Variants in SLC39A9 observed in about 807,000 individuals in gnomAD.
The protein encoded by SLC39A9 is zinc transporter ZIP9.
Under a neutral mutation model 28.4 loss-of-function variants are expected in SLC39A9, and 14 were observed. That is an observed-to-expected ratio of 0.49 (90% CI 0.33 to 0.77). SLC39A9 has a LOEUF of 0.77. Among genes scored for constraint, SLC39A9 ranks in the 30% least tolerant of loss-of-function variants. The probability of loss-of-function intolerance (pLI) is 0.02; values close to 1 mark genes in which losing one functional copy is unlikely to be tolerated. For missense variants in SLC39A9, 283 were observed against 381.1 expected (o/e 0.74, Z 2.14); for synonymous variants, 119 against 149.6 (o/e 0.80, Z 1.49).
chr14:69,454,718 C>G, intron 4 of SLC39A9, 94 bp from the exon 5 acceptor site: 2 of 959,472 alleles, frequency 2.1e-6, no homozygotes, highest in South Asian at 2.9e-5. Context: ...CTAGATCCAG[C>G]TGGACCTGAC....
At chr14:69,428,717 A>G (rs1457367789) in intron 2 of SLC39A9, 1 of 152,540 alleles carries the variant, frequency 6.6e-6, no homozygotes, top group Non-Finnish European at 1.5e-5. Context: ...GGCAAACCAC[A>G]TTCAAAGCAA....
At chr14:69,448,950 A>C (rs1346093989) in intron 3 of SLC39A9, among the ~76,000 whole-genome samples, 1 of 152,182 alleles carries the variant, frequency 6.6e-6, no homozygotes, top group East Asian at 1.9e-4. Context: ...GCAAAATGTT[A>C]ATCAATATAT....
chr14:69,407,678 G>T (rs1243605881), intron 1 of SLC39A9, among the ~76,000 whole-genome samples: 1 of 145,652 alleles, frequency 6.9e-6, no homozygotes, highest in Non-Finnish European at 1.5e-5. Flanking sequence ...TGCTGTTGTT[G>T]CCCAGGCTGG....
At chr14:69,455,233 T>C (rs1885802213) in intron 5 of SLC39A9, among the ~76,000 whole-genome samples, 1 of 152,214 alleles carries the variant, frequency 6.6e-6, no homozygotes, top group Admixed American at 6.5e-5. Context: ...ATAGGATCTT[T>C]TCTTGGCTTA....
At chr14:69,404,370 T>G (rs1882799850) in intron 1 of SLC39A9, among the ~76,000 whole-genome samples, 1 of 152,228 alleles carries the variant, frequency 6.6e-6, no homozygotes, top group Admixed American at 6.5e-5. Flanking sequence ...ATGTTACTAC[T>G]TGAACAAGCT....
rs181488046 is a variant in SLC39A9, at chr14:69,441,052, A to G, written c.206-1017A>G. Among the ~76,000 whole-genome samples the G allele has an allele frequency of 2.2e-3, 338 of 152,272 alleles. 1 individual carries two copies. The highest frequency in any genetic ancestry group is 3.4e-3 in the Middle Eastern group (1 of 294). ...CACCACTTTGGGAGGTCAAGGTGGG[A>G]GGATCACCTGAGCCCCAGATTTCAA... is the stretch of plus-strand genomic sequence containing the variant. On this transcript the variant is annotated intron_variant, in intron 2 of 6. Coordinates refer to ENST00000336643, the MANE Select transcript of SLC39A9 (RefSeq NM_018375.5).
Position 69,458,522 on chromosome 14 carries a change from C to T in SLC39A9, c.853C>T (p.Arg285Cys), listed in dbSNP as rs17855898. The T allele has an allele frequency of 1.5e-5, 24 of 1,614,112 alleles. No homozygotes were observed. The highest frequency in any genetic ancestry group is 1.6e-4 in the Middle Eastern group (1 of 6,084). The change falls in exon 7 of 7, where the codon CGC (arginine) becomes TGC (cysteine). Residue 285 changes from arginine (R) to cysteine (C), a missense_variant. Coordinates refer to ENST00000336643, the MANE Select transcript of SLC39A9 (RefSeq NM_018375.5). ...PDATGGRGLS[R>C]LEVAALVLGC... Reference sequence around the variant, plus strand: ...TGCCACGGGAGGGAGAGGCCTCAGCCGCCTGGAAGTGGCAGCCCTGGTTCT... The same window carrying T: ...TGCCACGGGAGGGAGAGGCCTCAGCTGCCTGGAAGTGGCAGCCCTGGTTCT...
At chr14:69,422,361 A>G (rs1157231053) in intron 1 of SLC39A9, among the ~76,000 whole-genome samples, 1 of 152,140 alleles carries the variant, frequency 6.6e-6, no homozygotes, top group African/African-American at 2.4e-5. Flanking sequence ...ATCTGGGACA[A>G]CAGGTACGTA....
At chr14:69,453,839 A>G (rs1184567503) in intron 4 of SLC39A9, among the ~76,000 whole-genome samples, 2 of 152,240 alleles carry the variant, frequency 1.3e-5, no homozygotes, top group Non-Finnish European at 2.9e-5. Context: ...TTTTTGTGCA[A>G]CAGTGGCAGA....
Position 69,461,023 on chromosome 14 carries a change from T to C in SLC39A9, c.*2430T>C, listed in dbSNP as rs1886090011. On this transcript the variant is annotated 3_prime_UTR_variant, in exon 7 of 7. Transcript: ENST00000336643. ...ATGTCCGTGTTCACTTCTTGGCACA[T>C]TTCAGTTCCGTTTTCCTCTTGTTTA... 7.1e-6 allele frequency: 7 copies of C among 985,642 alleles called. No homozygotes were observed. Among genetic ancestry groups the C allele is most frequent in the Non-Finnish European group, 7.2e-6 (6 of 830,108 alleles). The allele number at this position is 985,642 out of a possible 1,614,324, so 61.1% of individuals were successfully genotyped here. A position where few individuals can be genotyped will look rare whatever the true frequency, so the allele number is the denominator to read the frequency against.
chr14:69,436,115 C>A (rs982138844), intron 2 of SLC39A9, among the ~76,000 whole-genome samples: 4 of 151,628 alleles, frequency 2.6e-5, no homozygotes, highest in Non-Finnish European at 4.4e-5. Flanking sequence ...GAATTTTTAC[C>A]TTTCGGCCAG....
Position 69,460,350 on chromosome 14 carries a change from T to C in SLC39A9, c.*1757T>C, listed in dbSNP as rs1886060569. 1.0e-6 allele frequency: 1 copy of C among 985,394 alleles called. No homozygotes were observed. Among genetic ancestry groups the C allele is most frequent in the Non-Finnish European group, 1.2e-6 (1 of 829,940 alleles). The allele number at this position is 985,394 out of a possible 1,614,324, so 61.0% of individuals were successfully genotyped here. ...AAGTAGCACAAATAGGATACAGTTG[T>C]ATGTAGTCATTGGCAACAATTGCAT... On this transcript the variant is annotated 3_prime_UTR_variant, in exon 7 of 7. Transcript: ENST00000336643.
rs71423361 is a variant in SLC39A9, at chr14:69,443,039, T to C, written c.403+773T>C. 3.5e-3 allele frequency among the ~76,000 whole-genome samples: 537 copies of C among 152,340 alleles called. 3 individuals carry two copies. Among genetic ancestry groups the C allele is most frequent in the Non-Finnish European group, 6.3e-3 (431 of 68,030 alleles). On this transcript the variant is annotated intron_variant, in intron 3 of 6. Coordinates refer to ENST00000336643, the MANE Select transcript of SLC39A9 (RefSeq NM_018375.5). ...TTCCCCAAGACTTTTCAAATTTGAC[T>C]CCAGTCATAGTAACTGTTTTGTTTT...
Position 69,417,830 on chromosome 14 carries a change from AC to A in SLC39A9, c.97-6263del, listed in dbSNP as rs1883660778. 1.3e-5 allele frequency among the ~76,000 whole-genome samples: 2 copies of A among 152,090 alleles called. 1 individual carries two copies. Among genetic ancestry groups the A allele is most frequent in the South Asian group, 4.1e-4 (2 of 4,826 alleles). The stretch of plus-strand genomic sequence containing the variant: ...TTGCACATTGATTTTGTATCCTGAG[AC>A]TTTGCTGAAGTTGCTTATCAGCTTA... On this transcript the variant is annotated intron_variant, in intron 1 of 6. Coordinates refer to ENST00000336643, the MANE Select transcript of SLC39A9 (RefSeq NM_018375.5).
intron 1 of SLC39A9, among the ~76,000 whole-genome samples, chr14:69,418,176 A>G (rs1038279379): frequency 6.6e-6 from 1 of 152,050 alleles, no homozygotes; most frequent in Non-Finnish European, 1.5e-5. Flanking sequence ...TAGCATGAAG[A>G]GCTGTTGAAT....
chr14:69,451,754 C>T (rs1885620455), intron 3 of SLC39A9, among the ~76,000 whole-genome samples: 1 of 152,104 alleles, frequency 6.6e-6, no homozygotes, highest in African/African-American at 2.4e-5. Context: ...CTTGCTCTGT[C>T]ACCCGGGCTG....
At chr14:69,422,448 G>A (rs1389753783) in intron 1 of SLC39A9, among the ~76,000 whole-genome samples, 7 of 152,050 alleles carry the variant, frequency 4.6e-5, no homozygotes, top group Admixed American at 4.6e-4. Context: ...TTGCCCAGGT[G>A]GGAGTGCAGT....
intron 3 of SLC39A9, among the ~76,000 whole-genome samples, chr14:69,445,239 C>A (rs931124980): frequency 4.6e-5 from 7 of 151,804 alleles, no homozygotes; most frequent in Non-Finnish European, 8.8e-5. Context: ...TCCTGCCCCC[C>A]TTCCACCTCC....
intron 1 of SLC39A9, among the ~76,000 whole-genome samples, chr14:69,409,771 G>A (rs967026148): frequency 2.0e-5 from 3 of 152,212 alleles, no homozygotes; most frequent in African/African-American, 7.2e-5. Flanking sequence ...CAAGCATTGA[G>A]TGTATTTCAG....
Sources: gnomAD v4.1 joint callset for allele counts (sites outside exome capture counted in the v4.1 genomes callset) on GRCh38, gnomAD v4.1.1 for gene constraint, MANE v1.5 for transcripts, NCBI Gene and HGNC (gene_info 2026-07-23, HGNC 2026-07-21) for gene names.